The following MLF2 variants were observed in gnomAD, a reference collection of about 807,000 sequenced individuals.
The protein encoded by MLF2 is myeloid leukemia factor 2, also known as myelodysplasia-myeloid leukemia factor 2.
In MLF2, 12 loss-of-function variants were observed where a neutral mutation model predicts 31.4. The observed-to-expected ratio is 0.38, with a 90% confidence interval of 0.24 to 0.62. The LOEUF (loss-of-function observed/expected upper bound fraction) is 0.62. Among genes scored for constraint, MLF2 ranks in the 20% least tolerant of loss-of-function variants. The pLI, the probability that MLF2 is intolerant of heterozygous loss-of-function variation, is 0.58. For missense variants in MLF2, 272 were observed against 359.7 expected (o/e 0.76, Z 1.97); for synonymous variants, 109 against 118.8 (o/e 0.92, Z 0.54).
Position 6,748,829 on chromosome 12 carries a change from G to T in MLF2, c.713C>A (p.Ser238Tyr). 6.4e-7 allele frequency: 1 copy of T among 1,555,456 alleles called. No homozygotes were observed. Among genetic ancestry groups the T allele is most frequent in the Non-Finnish European group, 8.6e-7 (1 of 1,158,888 alleles). ...PRLAIQGPED[S>Y]PSRQSRRYDW ...ATAGCGGCGGGACTGTCGGGAAGGG[G>T]AGTCCTCAGGTCCCTGGATGGCCAG... is the stretch of plus-strand genomic sequence containing the variant. Residue 238 changes from serine (S) to tyrosine (Y), a missense_variant, in exon 8 of 9, where the codon TCC (serine) becomes TAC (tyrosine). Physicochemically the swap from Ser to Tyr is moderately radical, Grantham distance 144. Transcript: ENST00000203630. This position sits in a 1 kb window ranked among gnomAD's most constrained non-coding sequence, Gnocchi z 4.6.
Position 6,752,343 on chromosome 12 carries a change from C to G in MLF2, c.-9G>C. 6.4e-7 allele frequency: 1 copy of G among 1,558,300 alleles called. No homozygotes were observed. Among genetic ancestry groups the G allele is most frequent in the South Asian group, 1.2e-5 (1 of 84,522 alleles). On this transcript the variant is annotated 5_prime_UTR_variant, in exon 2 of 9. Coordinates refer to ENST00000203630, the MANE Select transcript of MLF2 (RefSeq NM_001382226.1). This position sits in a 1 kb window ranked among gnomAD's most constrained non-coding sequence, Gnocchi z 4.6. ...CTCATGAAGCGGAACATCCTGATCT[C>G]AGCTCCAGGGGGCTCCACACTGGAA... is the stretch of plus-strand genomic sequence containing the variant.
rs755928058 is a variant in MLF2 at position 6,750,687 on chromosome 12, G to A, written c.270+26C>T. The A allele has an allele frequency of 3.1e-6, 5 of 1,611,602 alleles. No homozygotes were observed. The highest frequency in any genetic ancestry group is 2.7e-5 in the African/African-American group (2 of 74,852). ...GTCAGCCATCACTGAGAGCAAGGCC[G>A]GGGAAGGGTATGGGGCAAGTCTCAC... On this transcript the variant is annotated intron_variant, in intron 5 of 8. Coordinates refer to ENST00000203630, the MANE Select transcript of MLF2 (RefSeq NM_001382226.1). This position sits in a 1 kb window ranked among gnomAD's most constrained non-coding sequence, Gnocchi z 5.3.
At position 6,752,508 on chromosome 12, in the gene MLF2, A is replaced by C; in HGVS notation, c.-28-146T>G. The C allele has an allele frequency of 1.5e-6, 1 of 650,662 alleles. No homozygotes were observed. The highest frequency in any genetic ancestry group is 2.6e-6 in the Non-Finnish European group (1 of 381,252). The allele number at this position is 650,662 out of a possible 1,614,324, so 40.3% of individuals were successfully genotyped here. A position where few individuals can be genotyped will look rare whatever the true frequency, so the allele number is the denominator to read the frequency against. ...GGAGACCCTACTCCAGGTGTTCCAC[A>C]CAACCCTCTAGGGAGGGAAGGGCTC... On this transcript the variant is annotated intron_variant, in intron 1 of 8. Coordinates refer to ENST00000203630, the MANE Select transcript of MLF2 (RefSeq NM_001382226.1). The surrounding 1 kb of genome is among the most constrained non-coding windows in gnomAD (Gnocchi z 4.6).
In MLF2 at chr12:6,753,022, T is replaced by G; in HGVS notation, c.-112A>C. 5 of 345,284 alleles carry G rather than the reference T, an allele frequency of 1.4e-5. No homozygotes were observed. The highest frequency in any genetic ancestry group is 1.6e-5 in the Non-Finnish European group (3 of 192,632). The allele number at this position is 345,284 out of a possible 1,614,324, so 21.4% of individuals were successfully genotyped here. A position where few individuals can be genotyped will look rare whatever the true frequency, so the allele number is the denominator to read the frequency against. ...AGGGTCAGGGTCGCGGCCCGGAACGTGGGGATTGGTCCGGGCTTGAGCTCC... is the reference window on the plus strand; with the variant it reads ...AGGGTCAGGGTCGCGGCCCGGAACGGGGGGATTGGTCCGGGCTTGAGCTCC... On this transcript the variant is annotated 5_prime_UTR_variant, in exon 1 of 9. Transcript: ENST00000203630.
In MLF2 at chr12:6,751,677, C is replaced by A. The variant is rs775431433; in HGVS notation, c.181-1G>T. On this transcript the variant is annotated splice_acceptor_variant, in intron 3 of 8. Transcript: ENST00000203630. LOFTEE classifies it high-confidence loss of function. ...TCCCAAAGGGGGAGACAGCTCCAGC[C>A]TACAGGAACACATGAGGAACAGAAA... 6.2e-7 allele frequency: 1 copy of A among 1,614,104 alleles called. No individual in the cohort carries two copies. The highest frequency in any genetic ancestry group is 8.5e-7 in the Non-Finnish European group (1 of 1,179,960).
rs1941572802 is a variant in MLF2 at position 6,749,225 on chromosome 12, A to G, written c.560-243T>C. On this transcript the variant is annotated intron_variant, in intron 7 of 8. Coordinates refer to ENST00000203630, the MANE Select transcript of MLF2 (RefSeq NM_001382226.1). The surrounding 1 kb of genome is among the most constrained non-coding windows in gnomAD (Gnocchi z 5.3). ...GGATTATTCTTCAGTTCAGGTTCAC[A>G]GTCCTATGTGCACACTAGGTACTTA... is the stretch of plus-strand genomic sequence containing the variant. Among the ~76,000 whole-genome samples, 1 of 152,272 alleles carries G rather than the reference A, an allele frequency of 6.6e-6. No homozygotes were observed. The highest frequency in any genetic ancestry group is 2.4e-5 in the African/African-American group (1 of 41,486).
In MLF2 at chr12:6,751,663, G is replaced by A; in HGVS notation, c.194C>T (p.Ser65Phe). ...CACCATTCCCAGCATCCCAAAGGGGGAGACAGCTCCAGCCTACAGGAACAC... is the reference window on the plus strand; with the variant it reads ...CACCATTCCCAGCATCCCAAAGGGGAAGACAGCTCCAGCCTACAGGAACAC... The part of the protein sequence containing the change: ...SRRMQQAGAV[S>F]PFGMLGMSGG... The change falls in exon 4 of 9, where the codon TCC (serine) becomes TTC (phenylalanine). Residue 65 changes from serine (S) to phenylalanine (F), a missense_variant. By Grantham distance (155) the Ser-to-Phe change is radical. Coordinates refer to ENST00000203630, the MANE Select transcript of MLF2 (RefSeq NM_001382226.1). 6.2e-7 allele frequency: 1 copy of A among 1,614,114 alleles called. No homozygotes were observed. Among genetic ancestry groups the A allele is most frequent in the Non-Finnish European group, 8.5e-7 (1 of 1,179,970 alleles).
At chr12:6,751,782 T>C (rs1941619159) in intron 3 of MLF2, 106 bp from the exon 4 acceptor site, 9 of 1,562,620 alleles carry the variant, frequency 5.8e-6, no homozygotes, top group Middle Eastern at 1.7e-4. Flanking sequence ...CAAAAGGGAG[T>C]CACAAAGCCC....
In MLF2 at chr12:6,749,800, G is replaced by A. The variant is rs752979310; in HGVS notation, c.559+48C>T. On this transcript the variant is annotated intron_variant, in intron 7 of 8. Coordinates refer to ENST00000203630, the MANE Select transcript of MLF2 (RefSeq NM_001382226.1). This position sits in a 1 kb window ranked among gnomAD's most constrained non-coding sequence, Gnocchi z 5.3. Reference sequence around the variant, plus strand: ...TGTCTATGTGTTAGGGATGTCCACGGGAACCGGGTTAGGGGCTGCCAGCCA... The same window carrying A: ...TGTCTATGTGTTAGGGATGTCCACGAGAACCGGGTTAGGGGCTGCCAGCCA... 2 of 1,608,984 alleles carry A rather than the reference G, an allele frequency of 1.2e-6. No homozygotes were observed. The highest frequency in any genetic ancestry group is 1.7e-5 in the Admixed American group (1 of 59,952).
In MLF2 at chr12:6,749,420, T is replaced by C. The variant is rs1383096949; in HGVS notation, c.559+428A>G. ...GGAGGCTCCAAGTGCGGTAAGAATA[T>C]GGGACTGACAGTTGGGTGCAGTGGC... On this transcript the variant is annotated intron_variant, in intron 7 of 8. Transcript: ENST00000203630. The surrounding 1 kb of genome is among the most constrained non-coding windows in gnomAD (Gnocchi z 5.3). 1.3e-5 allele frequency among the ~76,000 whole-genome samples: 2 copies of C among 152,204 alleles called. No homozygotes were observed. Among genetic ancestry groups the C allele is most frequent in the Non-Finnish European group, 2.9e-5 (2 of 68,024 alleles).
At position 6,752,406 on chromosome 12, in the gene MLF2, T is replaced by C; in HGVS notation, c.-28-44A>G. 1 of 1,469,872 alleles carries C rather than the reference T, an allele frequency of 6.8e-7. No individual in the cohort carries two copies. The highest frequency in any genetic ancestry group is 2.5e-5 in the East Asian group (1 of 40,428). 91.1% of individuals were successfully genotyped at this position (1,469,872 alleles called of 1,614,324 possible). A position where few individuals can be genotyped will look rare whatever the true frequency, so the allele number is the denominator to read the frequency against. ...TCAGATACTTGGAGGTGGCCAGGGT[T>C]TTGCACACCCACTCAGTGTGGGGAC... On this transcript the variant is annotated intron_variant, in intron 1 of 8. Coordinates refer to ENST00000203630, the MANE Select transcript of MLF2 (RefSeq NM_001382226.1). The surrounding 1 kb of genome is among the most constrained non-coding windows in gnomAD (Gnocchi z 4.6).
intron 3 of MLF2, 87 bp from the exon 4 acceptor site, chr12:6,751,763 CCAT>C: frequency 6.3e-7 from 1 of 1,577,774 alleles, no homozygotes; most frequent in Non-Finnish European, 8.7e-7. Context: ...CAATTTTTTT[CCAT>C]CCTCTCAAAA....
At position 6,748,509 on chromosome 12, in the gene MLF2, G is replaced by A. The variant is rs983000743; in HGVS notation, c.*64C>T. 3 of 331,252 alleles carry A rather than the reference G, an allele frequency of 9.1e-6. No homozygotes were observed. The highest frequency in any genetic ancestry group is 4.9e-5 in the Admixed American group (1 of 20,468). The allele number at this position is 331,252 out of a possible 1,614,324, so 20.5% of individuals were successfully genotyped here. On this transcript the variant is annotated 3_prime_UTR_variant, in exon 9 of 9. Transcript: ENST00000203630. This position sits in a 1 kb window ranked among gnomAD's most constrained non-coding sequence, Gnocchi z 4.6. ...TGGGGATGGGAATCGAGAGGAAAAAGTTATTCAGGGGATGATTTCTCAGCC... is the reference window on the plus strand; with the variant it reads ...TGGGGATGGGAATCGAGAGGAAAAAATTATTCAGGGGATGATTTCTCAGCC...
Position 6,752,600 on chromosome 12 carries a change from A to C in MLF2, c.-28-238T>G, listed in dbSNP as rs1592485795. The C allele has an allele frequency of 2.3e-6, 1 of 437,634 alleles. No homozygotes were observed. The highest frequency in any genetic ancestry group is 6.2e-4 in the Middle Eastern group (1 of 1,612). 27.1% of individuals were successfully genotyped at this position (437,634 alleles called of 1,614,324 possible). A position where few individuals can be genotyped will look rare whatever the true frequency, so the allele number is the denominator to read the frequency against. On this transcript the variant is annotated intron_variant, in intron 1 of 8. Coordinates refer to ENST00000203630, the MANE Select transcript of MLF2 (RefSeq NM_001382226.1). This position sits in a 1 kb window ranked among gnomAD's most constrained non-coding sequence, Gnocchi z 4.6. ...AACCCTCTCGGTTTTTCCCTCCCCCACTCAGAGCCATCCTCTTCCCAAAGC... is the reference window on the plus strand; with the variant it reads ...AACCCTCTCGGTTTTTCCCTCCCCCCCTCAGAGCCATCCTCTTCCCAAAGC...
chr12:6,751,073 G>C, intron 4 of MLF2: 1 of 367,202 alleles, frequency 2.7e-6, no homozygotes, highest in Non-Finnish European at 5.1e-6. Context: ...AAGAGGTAAG[G>C]CATGAAATTG....
Position 6,749,722 on chromosome 12 carries a change from T to TC in MLF2, c.559+125dup. On this transcript the variant is annotated intron_variant, in intron 7 of 8. Transcript: ENST00000203630. This position sits in a 1 kb window ranked among gnomAD's most constrained non-coding sequence, Gnocchi z 5.3. ...TGGGCAACAAGAGCGAGACTCCATC[T>TC]CAAAAAAAAAAAAAAAGGAATATGG... The TC allele has an allele frequency of 1.9e-6, 2 of 1,040,278 alleles. No homozygotes were observed. Among genetic ancestry groups the TC allele is most frequent in the Non-Finnish European group, 2.7e-6 (2 of 733,990 alleles). The allele number at this position is 1,040,278 out of a possible 1,614,324, so 64.4% of individuals were successfully genotyped here. A position where few individuals can be genotyped will look rare whatever the true frequency, so the allele number is the denominator to read the frequency against.
At position 6,752,379 on chromosome 12, in the gene MLF2, G is replaced by A. The variant is rs1398492518; in HGVS notation, c.-28-17C>T. ...GGCTCCACACTGGAAAGATATGGAA[G>A]CTCAGATACTTGGAGGTGGCCAGGG... On this transcript the variant is annotated splice_polypyrimidine_tract_variant and intron_variant, in intron 1 of 8. Coordinates refer to ENST00000203630, the MANE Select transcript of MLF2 (RefSeq NM_001382226.1). The surrounding 1 kb of genome is among the most constrained non-coding windows in gnomAD (Gnocchi z 4.6). The A allele has an allele frequency of 1.9e-6, 3 of 1,547,728 alleles. No individual in the cohort carries two copies. The highest frequency in any genetic ancestry group is 1.4e-5 in the African/African-American group (1 of 73,132).
At chr12:6,751,845 T>C in intron 3 of MLF2, 80 bp downstream of exon 3, 2 of 1,590,098 alleles carry the variant, frequency 1.3e-6, no homozygotes, top group Non-Finnish European at 1.7e-6. Flanking sequence ...CTCAGTTGGC[T>C]GTAGTGCAAG....
Position 6,752,147 on chromosome 12 carries a change from C to A in MLF2, c.51-93G>T. On this transcript the variant is annotated intron_variant, in intron 2 of 8. Transcript: ENST00000203630. The surrounding 1 kb of genome is among the most constrained non-coding windows in gnomAD (Gnocchi z 4.6). ...AAAAATACGCACAGAGCAACAGTGG[C>A]ACCGATGCCTACTTCCTGCTAGGTA... The A allele has an allele frequency of 1.3e-6, 2 of 1,583,090 alleles. No homozygotes were observed. The highest frequency in any genetic ancestry group is 1.7e-5 in the Admixed American group (1 of 57,336).
Sources: allele counts gnomAD v4.1 joint callset (sites outside exome capture counted in the v4.1 genomes callset), GRCh38; gene constraint gnomAD v4.1.1; non-coding constraint Gnocchi (gnomAD v3.1); transcripts MANE v1.5; gene names NCBI Gene and HGNC (gene_info 2026-07-23, HGNC 2026-07-21).